TBC1D32: variants seen among roughly 807,000 people sequenced by gnomAD.
TBC1D32 encodes protein broad-minded.
Under a neutral mutation model 170.3 loss-of-function variants are expected in TBC1D32, and 151 were observed. That is an observed-to-expected ratio of 0.89 (90% CI 0.78 to 1.01). TBC1D32 has a LOEUF of 1.01. TBC1D32 is among the 50% of genes least tolerant of loss of function. The pLI, the probability that TBC1D32 is intolerant of heterozygous loss-of-function variation, is 0.00. For missense variants in TBC1D32, 1,464 were observed against 1,457.1 expected (o/e 1.00, Z -0.08); for synonymous variants, 498 against 488.0 (o/e 1.02, Z -0.27).
chr6:121,236,094 C>A (rs1796298234), intron 20 of TBC1D32, among the ~76,000 whole-genome samples: 1 of 150,690 alleles, frequency 6.6e-6, no homozygotes, highest in Non-Finnish European at 1.5e-5. Context: ...CTTTCCTCCC[C>A]ACCTTATTCT....
At chr6:121,223,070 A>G (rs1794695494) in intron 21 of TBC1D32, among the ~76,000 whole-genome samples, 166 bp downstream of exon 21, 1 of 152,234 alleles carries the variant, frequency 6.6e-6, no homozygotes, top group African/African-American at 2.4e-5. Context: ...GATTCCACGC[A>G]TAGAAAATTC....
chr6:121,207,459 T>C (rs1792422015), intron 21 of TBC1D32, among the ~76,000 whole-genome samples: 1 of 152,182 alleles, frequency 6.6e-6, no homozygotes, highest in South Asian at 2.1e-4. Flanking sequence ...CAGTAATCTA[T>C]CAATGAGAAT....
chr6:121,285,668 C>T (rs1415552301), intron 12 of TBC1D32, among the ~76,000 whole-genome samples: 2 of 152,176 alleles, frequency 1.3e-5, no homozygotes, highest in African/African-American at 4.8e-5. Context: ...AGCTGGACAT[C>T]TGAGAACTGA....
Position 121,241,469 on chromosome 6 carries a change from C to A in TBC1D32, c.2241G>T (p.Lys747Asn), listed in dbSNP as rs758113999. Residue 747 changes from lysine to asparagine, a missense_variant, in exon 19 of 32, where the codon AAG (lysine) becomes AAT (asparagine). Transcript: ENST00000398212. Reference protein sequence around the residue: ...STAAGGIALKKSGFINELITE... With the variant: ...STAAGGIALKNSGFINELITE... ...TAATGAAAAGAAAACATTTACCTGA[C>A]TTTTTTAGTGCAATGCCACCTGCTG... 1 of 1,612,038 alleles carries A rather than the reference C, an allele frequency of 6.2e-7. No homozygotes were observed. Among genetic ancestry groups the A allele is most frequent in the Non-Finnish European group, 8.5e-7 (1 of 1,179,010 alleles).
chr6:121,196,914 G>T (rs983091710), intron 22 of TBC1D32, among the ~76,000 whole-genome samples: 5 of 152,132 alleles, frequency 3.3e-5, no homozygotes, highest in African/African-American at 1.2e-4. Context: ...CACCCCTAGT[G>T]ATCCATTAGC....
chr6:121,198,201 T>TATATATTA (rs1791017209), intron 22 of TBC1D32, among the ~76,000 whole-genome samples: 1 of 136,916 alleles, frequency 7.3e-6, no homozygotes, highest in Non-Finnish European at 1.5e-5. Flanking sequence ...AATATATATT[T>TATATATTA]TATATATTAT....
At chr6:121,259,955 A>G (rs572063573) in intron 15 of TBC1D32, among the ~76,000 whole-genome samples, 5 of 152,270 alleles carry the variant, frequency 3.3e-5, no homozygotes, top group African/African-American at 4.8e-5. Flanking sequence ...ACAGGATTCA[A>G]TCGAAGTTTA....
chr6:121,168,856 A>T (rs1287542304), intron 22 of TBC1D32, among the ~76,000 whole-genome samples: 4 of 152,060 alleles, frequency 2.6e-5, no homozygotes, highest in Non-Finnish European at 5.9e-5. Flanking sequence ...AACTACAGCT[A>T]ACAAGAGAAG....
intron 21 of TBC1D32, among the ~76,000 whole-genome samples, chr6:121,220,679 C>T (rs1240280731): frequency 5.3e-5 from 7 of 131,562 alleles, no homozygotes; most frequent in South Asian, 2.3e-4. Context: ...CTCATTCTAT[C>T]GCCTAGGCTG....
chr6:121,168,733 A>AAAAAAAAAAT (rs1786502547), intron 22 of TBC1D32, among the ~76,000 whole-genome samples: 1 of 147,252 alleles, frequency 6.8e-6, no homozygotes, highest in East Asian at 2.0e-4. Flanking sequence ...AAAAAAAAAA[A>AAAAAAAAAAT]ATCAACATGC....
intron 29 of TBC1D32, 21 bp downstream of exon 29, chr6:121,112,483 TA>T (rs1203121747): frequency 2.5e-6 from 4 of 1,580,188 alleles, no homozygotes; most frequent in East Asian, 2.3e-5. Flanking sequence ...AACCCTCCTT[TA>T]AAAACAGATT....
rs1028369289 is a variant in TBC1D32 at position 121,307,249 on chromosome 6, C to T, written c.690+727G>A. ...AATCAGCCAGGCATGGTAGTGCATG[C>T]CTATAATACCCAGCTACTTGGGAGA... On this transcript the variant is annotated intron_variant, in intron 5 of 31. Transcript: ENST00000398212. Among the ~76,000 whole-genome samples the T allele has an allele frequency of 1.1e-3, 171 of 151,836 alleles. 1 individual carries two copies. The highest frequency in any genetic ancestry group is 3.7e-3 in the African/African-American group (154 of 41,316).
intron 17 of TBC1D32, among the ~76,000 whole-genome samples, chr6:121,245,341 A>G (rs947247304): frequency 6.6e-6 from 1 of 152,152 alleles, no homozygotes; most frequent in Admixed American, 6.5e-5. Flanking sequence ...GGGTGGCTAG[A>G]CCCAGAAGAG....
Position 121,211,994 on chromosome 6 carries a change from A to AACAC in TBC1D32, c.2482-6835_2482-6832dup, listed in dbSNP as rs66924686. On this transcript the variant is annotated intron_variant, in intron 21 of 31. Transcript: ENST00000398212. ...AATAAATAAATGAATGAACAAACAC[A>AACAC]ACACACACACACACACACACACACA... is the stretch of plus-strand genomic sequence containing the variant. 3.2e-3 allele frequency among the ~76,000 whole-genome samples: 470 copies of AACAC among 148,630 alleles called. 5 individuals are homozygous for AACAC. The highest frequency in any genetic ancestry group is 9.8e-3 in the African/African-American group (396 of 40,308).
rs565594179 is a variant in TBC1D32 at position 121,299,198 on chromosome 6, T to C, written c.1140+248A>G. On this transcript the variant is annotated intron_variant, in intron 10 of 31. Coordinates refer to ENST00000398212, the MANE Select transcript of TBC1D32 (RefSeq NM_152730.6). ...TGGCTTCTCTCAAACTAGCTTGTTA[T>C]ATATAGAAGCCAATTTACTATATAT... Among the ~76,000 whole-genome samples, 451 of 152,256 alleles carry C rather than the reference T, an allele frequency of 3.0e-3. 4 individuals carry two copies. Among genetic ancestry groups the C allele is most frequent in the African/African-American group, 0.011 (444 of 41,586 alleles).
chr6:121,153,979 C>T (rs1365168333), intron 24 of TBC1D32, among the ~76,000 whole-genome samples: 2 of 151,406 alleles, frequency 1.3e-5, no homozygotes, highest in African/African-American at 4.9e-5. Flanking sequence ...CTGGCTTCAG[C>T]CCCCTTTCCA....
intron 29 of TBC1D32, among the ~76,000 whole-genome samples, chr6:121,107,670 C>A (rs1251326683): frequency 6.6e-6 from 1 of 151,812 alleles, no homozygotes; most frequent in Non-Finnish European, 1.5e-5. Flanking sequence ...ATGACTAAAT[C>A]TAATAGGCAT....
chr6:121,184,834 G>A (rs1337431579), intron 22 of TBC1D32, among the ~76,000 whole-genome samples: 1 of 151,786 alleles, frequency 6.6e-6, no homozygotes, highest in South Asian at 2.1e-4. Context: ...TCCCACCATC[G>A]TGGCCACTTT....
chr6:121,101,581 C>T lies in TBC1D32; in HGVS notation c.3465+4442G>A, dbSNP rs997581752. ...CTCAATAAATTAGGTATTGATGGGA[C>T]GTATCTCAAAATAATAAGAGCTATT... On this transcript the variant is annotated intron_variant, in intron 30 of 31. Transcript: ENST00000398212. Among the ~76,000 whole-genome samples, 9 of 152,138 alleles carry T rather than the reference C, an allele frequency of 5.9e-5. 1 individual carries two copies. Among genetic ancestry groups the T allele is most frequent in the African/African-American group, 1.4e-4 (6 of 41,526 alleles).
Sources: gnomAD v4.1 joint callset for allele counts (sites outside exome capture counted in the v4.1 genomes callset) on GRCh38, gnomAD v4.1.1 for gene constraint, MANE v1.5 for transcripts, NCBI Gene and HGNC (gene_info 2026-07-23, HGNC 2026-07-21) for gene names.